The following KALRN variants were observed in gnomAD, a reference collection of about 807,000 sequenced individuals.
KALRN encodes the protein kalirin RhoGEF kinase, also known as kalirin.
KALRN carries 70 observed loss-of-function variants against 353.7 expected under a neutral mutation model. That is an observed-to-expected ratio of 0.20 (90% confidence interval 0.16 to 0.24). The LOEUF (loss-of-function observed/expected upper bound fraction) is 0.24. Ranked by LOEUF, KALRN falls within the 10% of genes least tolerant of loss-of-function variation. The probability of loss-of-function intolerance (pLI) is 1.00; values close to 1 mark genes in which losing one functional copy is unlikely to be tolerated. For missense variants in KALRN, 2,791 were observed against 3,756.7 expected (o/e 0.74, Z 6.72); for synonymous variants, 1,391 against 1,434.8 (o/e 0.97, Z 0.69).
chr3:124,351,423 T>C (rs1281315731), intron 10 of KALRN, among the ~76,000 whole-genome samples: 2 of 152,190 alleles, frequency 1.3e-5, no homozygotes, highest in Non-Finnish European at 2.9e-5. Flanking sequence ...TTCCTTTACC[T>C]GAGGCTGATA....
At chr3:124,253,084 A>G (rs553419923) in intron 3 of KALRN, among the ~76,000 whole-genome samples, 1 of 152,200 alleles carries the variant, frequency 6.6e-6, no homozygotes, top group African/African-American at 2.4e-5. Flanking sequence ...CTGGTGTTTC[A>G]GAAAGTGGGT....
intron 1 of KALRN, among the ~76,000 whole-genome samples, chr3:124,151,070 T>C (rs938935189): frequency 4.6e-5 from 7 of 152,348 alleles, no homozygotes; most frequent in Non-Finnish European, 7.3e-5. Context: ...TATGCCACAA[T>C]TTATCCATCT....
At chr3:124,243,681 C>A (rs1206985528) in intron 3 of KALRN, among the ~76,000 whole-genome samples, 1 of 152,124 alleles carries the variant, frequency 6.6e-6, no homozygotes, top group Non-Finnish European at 1.5e-5. Context: ...GTAGGGTATT[C>A]CAGTCCAGGA....
intron 39 of KALRN, among the ~76,000 whole-genome samples, 172 bp from the exon 40 acceptor site, chr3:124,657,276 A>G (rs759341072): frequency 2.0e-5 from 3 of 151,422 alleles, no homozygotes; most frequent in Non-Finnish European, 2.9e-5. Flanking sequence ...AGTTTTCTCT[A>G]TTGCTCTGCA....
rs9833016 is a variant in KALRN at position 124,293,882 on chromosome 3, C to T, written c.970-4909C>T. Among the ~76,000 whole-genome samples, 1,018 of 152,186 alleles carry T rather than the reference C, an allele frequency of 6.7e-3. 11 individuals are homozygous for T. The highest frequency in any genetic ancestry group is 0.023 in the African/African-American group (946 of 41,528). On this transcript the variant is annotated intron_variant, in intron 5 of 59. Transcript: ENST00000682506. ...GCTGGAAGGGAGCTTAGAAAGAGTCCACTTATCTGGAGACTAGCAACCGAA... is the reference window on the plus strand; with the variant it reads ...GCTGGAAGGGAGCTTAGAAAGAGTCTACTTATCTGGAGACTAGCAACCGAA...
intron 33 of KALRN, among the ~76,000 whole-genome samples, chr3:124,511,701 G>C (rs1358849395): frequency 2.0e-5 from 3 of 152,164 alleles, no homozygotes; most frequent in African/African-American, 7.2e-5. Context: ...TTTCCAGTAC[G>C]TGTGTGATCA....
chr3:124,589,532 G>A (rs2149344761), intron 34 of KALRN, among the ~76,000 whole-genome samples: 1 of 152,322 alleles, frequency 6.6e-6, no homozygotes, highest in Middle Eastern at 3.4e-3. Context: ...ATTCAAGTTT[G>A]CAGTGAACTA....
rs6438839 is a variant in KALRN, at chr3:124,334,654, G to A, written c.1647+159G>A. ...CTCCACAGAACCCTACCAAAACACA[G>A]AACAAAAACTGGACCTGTGAATTGC... On this transcript the variant is annotated intron_variant, in intron 9 of 59. Coordinates refer to ENST00000682506, the MANE Select transcript of KALRN (RefSeq NM_001388419.1). This position sits in a 1 kb window ranked among gnomAD's most constrained non-coding sequence, Gnocchi z 4.2. 0.17 allele frequency among the ~76,000 whole-genome samples: 25,690 copies of A among 152,180 alleles called. 4,100 individuals carry two copies. The highest frequency in any genetic ancestry group is 0.42 in the African/African-American group (17,257 of 41,490).
chr3:124,226,122 A>G (rs555315378), intron 1 of KALRN, among the ~76,000 whole-genome samples: 1 of 152,368 alleles, frequency 6.6e-6, no homozygotes, highest in East Asian at 1.9e-4. Context: ...GTCATGTATT[A>G]GTTAAAGATC....
chr3:124,266,596 G>T (rs1245452176), intron 4 of KALRN, among the ~76,000 whole-genome samples: 1 of 152,186 alleles, frequency 6.6e-6, no homozygotes, highest in African/African-American at 2.4e-5. Flanking sequence ...TTAAATGTGT[G>T]TGTGTTGAAA....
At chr3:124,157,077 A>C (rs2069108976) in intron 1 of KALRN, among the ~76,000 whole-genome samples, 1 of 152,244 alleles carries the variant, frequency 6.6e-6, no homozygotes, top group Admixed American at 6.5e-5. Context: ...CAGAGATATT[A>C]GATGCCATTA....
At chr3:124,183,798 C>T (rs1275793274) in intron 1 of KALRN, among the ~76,000 whole-genome samples, 3 of 152,126 alleles carry the variant, frequency 2.0e-5, no homozygotes, top group East Asian at 1.9e-4. Context: ...AAACTAGTAC[C>T]GAGGGCATTT....
intron 1 of KALRN, among the ~76,000 whole-genome samples, chr3:124,217,289 T>A (rs1176095152): frequency 6.6e-6 from 1 of 152,234 alleles, no homozygotes; most frequent in African/African-American, 2.4e-5. Flanking sequence ...ATTGTATATG[T>A]TTGGATATCC....
chr3:124,243,988 G>T (rs1418604418), intron 3 of KALRN, among the ~76,000 whole-genome samples: 1 of 152,126 alleles, frequency 6.6e-6, no homozygotes, highest in Non-Finnish European at 1.5e-5. Context: ...TTAAGTTTAG[G>T]ATTAGAGCTA....
intron 38 of KALRN, among the ~76,000 whole-genome samples, chr3:124,654,818 A>G (rs1397938273): frequency 1.3e-5 from 2 of 150,376 alleles, no homozygotes; most frequent in Admixed American, 6.6e-5. Context: ...TTTCATTTAT[A>G]TAAAATAGGT....
chr3:124,670,908 TC>T (rs1273887232), intron 47 of KALRN, among the ~76,000 whole-genome samples: 1 of 152,194 alleles, frequency 6.6e-6, no homozygotes, highest in African/African-American at 2.4e-5. Context: ...ACCTGAGCCA[TC>T]CTCGATTCTT....
intron 33 of KALRN, among the ~76,000 whole-genome samples, chr3:124,562,115 C>T (rs1020264818): frequency 6.6e-6 from 1 of 152,164 alleles, no homozygotes; most frequent in African/African-American, 2.4e-5. Flanking sequence ...AAGAAGTGGC[C>T]CGTCTTCCCT....
At chr3:124,610,124 A>G (rs959151827) in intron 34 of KALRN, among the ~76,000 whole-genome samples, 3 of 152,256 alleles carry the variant, frequency 2.0e-5, no homozygotes, top group Non-Finnish European at 4.4e-5. Context: ...AAAACAGGGG[A>G]AAAAAATTCC....
chr3:124,597,299 G>A (rs73860560), intron 34 of KALRN, among the ~76,000 whole-genome samples: 389 of 151,524 alleles, frequency 2.6e-3, no homozygotes, highest in African/African-American at 8.9e-3. Flanking sequence ...AACCAAGTTG[G>A]GAGCTATTCC....
Sources: allele counts gnomAD v4.1 joint callset (sites outside exome capture counted in the v4.1 genomes callset), GRCh38; gene constraint gnomAD v4.1.1; non-coding constraint Gnocchi (gnomAD v3.1); transcripts MANE v1.5; gene names NCBI Gene and HGNC (gene_info 2026-07-23, HGNC 2026-07-21).